The following NUP58 variants were observed in gnomAD, a reference collection of about 807,000 sequenced individuals.
NUP58 encodes the protein nucleoporin p58/p45.
NUP58 carries 17 observed loss-of-function variants against 70.1 expected under a neutral mutation model. The observed-to-expected ratio is 0.24, with a 90% CI of 0.17 to 0.36. NUP58 has a LOEUF of 0.36. Among genes scored for constraint, NUP58 ranks in the 10% least tolerant of loss-of-function variants. NUP58 has a pLI of 1.00. For missense variants in NUP58, 644 were observed against 701.5 expected, an observed-to-expected ratio of 0.92 and a Z score of 0.93; for synonymous variants, 275 against 257.6, an observed-to-expected ratio of 1.07 and a Z score of -0.65.
chr13:25,315,335 AT>A (rs916722016), intron 5 of NUP58, 21 bp from the exon 6 acceptor site: 1 of 1,536,022 alleles, frequency 6.5e-7, no homozygotes, highest in African/African-American at 1.4e-5. Context: ...GATGGAATTT[AT>A]AAGTTATGTT....
chr13:25,310,519 CTTTTTT>C (rs34548230), intron 3 of NUP58, among the ~76,000 whole-genome samples: 10 of 53,586 alleles, frequency 1.9e-4, no homozygotes, highest in African/African-American at 4.2e-4. Flanking sequence ...TGTGCCTGGC[CTTTTTT>C]TTTTTTTTTT....
At chr13:25,318,041 A>T (rs28555315) in intron 6 of NUP58, among the ~76,000 whole-genome samples, 4 of 151,818 alleles carry the variant, frequency 2.6e-5, no homozygotes, top group African/African-American at 9.7e-5. Context: ...TTTTTAAAAA[A>T]TTTTTTGGCC....
intron 6 of NUP58, 33 bp downstream of exon 6, chr13:25,315,500 C>CA (rs2030886104): frequency 6.8e-7 from 1 of 1,479,434 alleles, no homozygotes; most frequent in Non-Finnish European, 9.4e-7. Context: ...TATGTTTTAA[C>CA]AGTTCTGTTG....
intron 12 of NUP58, among the ~76,000 whole-genome samples, chr13:25,328,395 C>CTTTT (rs397851817): frequency 1.1e-5 from 1 of 91,986 alleles, no homozygotes; most frequent in African/African-American, 3.5e-5. Context: ...CTGACTCTCG[C>CTTTT]TTTTTTTTTT....
intron 10 of NUP58, 78 bp from the exon 11 acceptor site, chr13:25,326,838 G>A: frequency 1.3e-6 from 1 of 744,148 alleles, no homozygotes; most frequent in Non-Finnish European, 2.3e-6. Flanking sequence ...TTAAATGATT[G>A]CAGAATATTC....
At chr13:25,308,004 A>G in intron 2 of NUP58, 56 bp downstream of exon 2, 1 of 1,593,374 alleles carries the variant, frequency 6.3e-7, no homozygotes, top group Non-Finnish European at 8.6e-7. Flanking sequence ...TCTTTCCTAA[A>G]TTGTGTCCTG....
In NUP58 at chr13:25,313,652, A is replaced by T. The variant is rs542250694; in HGVS notation, c.475A>T (p.Thr159Ser). The T allele has an allele frequency of 6.6e-7, 1 of 1,525,982 alleles. No individual in the cohort carries two copies. Among genetic ancestry groups the T allele is most frequent in the Admixed American group, 2.6e-5 (1 of 38,418 alleles). 94.5% of individuals were successfully genotyped at this position (1,525,982 alleles called of 1,614,324 possible). ...TACTCTAAATAATTTGGGTGGGACA[A>T]CAGCCACAACTACAACTGCATCAAC... ...GFTLNNLGGTTATTTTASTGL... is the reference protein window; with the variant it reads ...GFTLNNLGGTSATTTTASTGL... Residue 159 changes from threonine to serine, a missense_variant, in exon 5 of 16, where the codon ACA (threonine) becomes TCA (serine). This residue lies in a region of NUP58 where 430 missense variants were observed against 409.2 expected (regional missense o/e 1.05). Coordinates refer to ENST00000381736, the MANE Select transcript of NUP58 (RefSeq NM_014089.4).
intron 10 of NUP58, among the ~76,000 whole-genome samples, chr13:25,325,630 A>C (rs1294906053): frequency 6.6e-6 from 1 of 152,234 alleles, no homozygotes; most frequent in East Asian, 1.9e-4. Context: ...ATATTTCACA[A>C]GATCTCTGTA....
chr13:25,302,970 T>A (rs1478690327), intron 1 of NUP58: 2 of 456,626 alleles, frequency 4.4e-6, no homozygotes, highest in Non-Finnish European at 8.8e-6. Flanking sequence ...GGAACAAATA[T>A]TTATTGGACA....
intron 13 of NUP58, chr13:25,332,663 A>G (rs2031650831): frequency 2.0e-6 from 2 of 985,476 alleles, no homozygotes; most frequent in African/African-American, 1.7e-5. Context: ...TTGACTTGCC[A>G]TAAGTAAAGG....
chr13:25,331,332 G>C, intron 12 of NUP58, 25 bp from the exon 13 acceptor site: 1 of 1,601,430 alleles, frequency 6.2e-7, no homozygotes, highest in Non-Finnish European at 8.5e-7. Context: ...ACTTCATTTA[G>C]CCGTTTTGTT....
At chr13:25,304,589 T>C (rs563264365) in intron 1 of NUP58, among the ~76,000 whole-genome samples, 4 of 149,094 alleles carry the variant, frequency 2.7e-5, no homozygotes, top group Admixed American at 2.0e-4. Context: ...TGATCTTGGC[T>C]CATTGCAACC....
intron 6 of NUP58, among the ~76,000 whole-genome samples, chr13:25,318,497 A>G (rs900435874): frequency 1.1e-4 from 16 of 152,186 alleles, no homozygotes; most frequent in Admixed American, 9.8e-4. Context: ...CTAATATTAG[A>G]AATACATATT....
chr13:25,313,769 T>G lies in NUP58; in HGVS notation c.574+18T>G, dbSNP rs1305105827. ...AACATCAGGTAATTGATGGTATTTA[T>G]TCTCCAGAATAGTAAATATTTATAT... On this transcript the variant is annotated intron_variant, in intron 5 of 15. Coordinates refer to ENST00000381736, the MANE Select transcript of NUP58 (RefSeq NM_014089.4). 6.7e-7 allele frequency: 1 copy of G among 1,500,358 alleles called. No individual in the cohort carries two copies. Among genetic ancestry groups the G allele is most frequent in the Non-Finnish European group, 8.8e-7 (1 of 1,134,012 alleles). The allele number at this position is 1,500,358 out of a possible 1,614,324, so 92.9% of individuals were successfully genotyped here. A position where few individuals can be genotyped will look rare whatever the true frequency, so the allele number is the denominator to read the frequency against.
intron 12 of NUP58, 26 bp from the exon 13 acceptor site, chr13:25,331,331 A>G (rs749896497): frequency 1.3e-6 from 2 of 1,599,374 alleles, no homozygotes; most frequent in East Asian, 2.2e-5. Context: ...AACTTCATTT[A>G]GCCGTTTTGT....
chr13:25,337,153 G>A (rs777543553), intron 14 of NUP58, 119 bp downstream of exon 14: 2 of 507,596 alleles, frequency 3.9e-6, no homozygotes, highest in African/African-American at 2.0e-5. Context: ...GTTCCATCTG[G>A]CAAAAATGAT....
intron 1 of NUP58, 27 bp downstream of exon 1, chr13:25,301,907 G>A: frequency 6.7e-7 from 1 of 1,500,304 alleles, no homozygotes; most frequent in Non-Finnish European, 9.2e-7. Flanking sequence ...GCCTTCCTGG[G>A]CCGGATTCAC....
chr13:25,312,979 C>T lies in NUP58; in HGVS notation c.383C>T (p.Ser128Phe). 1 of 1,614,198 alleles carries T rather than the reference C, an allele frequency of 6.2e-7. No individual in the cohort carries two copies. Among genetic ancestry groups the T allele is most frequent in the South Asian group, 1.1e-5 (1 of 91,090 alleles). Residue 128 changes from serine (S) to phenylalanine (F), a missense_variant, in exon 4 of 16, where the codon TCT (serine) becomes TTT (phenylalanine). By Grantham distance (155) the Ser-to-Phe change is radical. This residue lies in a region of NUP58 where 430 missense variants were observed against 409.2 expected (regional missense o/e 1.05). Coordinates refer to ENST00000381736, the MANE Select transcript of NUP58 (RefSeq NM_014089.4). Reference protein sequence around the residue: ...SATPFALPITSTSASGLTLSS... With the variant: ...SATPFALPITFTSASGLTLSS... Reference sequence around the variant, plus strand: ...ACACCATTTGCTCTACCTATTACCTCTACCTCAGCTAGCGGTCTGACTCTT... The same window carrying T: ...ACACCATTTGCTCTACCTATTACCTTTACCTCAGCTAGCGGTCTGACTCTT...
chr13:25,318,502 C>G (rs1839351195), intron 6 of NUP58, among the ~76,000 whole-genome samples: 1 of 152,000 alleles, frequency 6.6e-6, no homozygotes, highest in Non-Finnish European at 1.5e-5. Flanking sequence ...ATTAGAAATA[C>G]ATATTAAATT....
Sources: allele counts gnomAD v4.1 joint callset (sites outside exome capture counted in the v4.1 genomes callset), GRCh38; gene constraint gnomAD v4.1.1; regional missense constraint gnomAD v4.1.1; transcripts MANE v1.5; gene names NCBI Gene and HGNC (gene_info 2026-07-23, HGNC 2026-07-21).